Variants in FBXO16 observed in about 807,000 individuals in gnomAD.
FBXO16 encodes F-box only protein 16.
In FBXO16, 31 loss-of-function variants were observed where a neutral mutation model predicts 41.0. The observed-to-expected ratio is 0.76, with a 90% confidence interval of 0.57 to 1.02. The LOEUF (loss-of-function observed/expected upper bound fraction) is 1.02, where lower values mean the gene tolerates loss of function less well. Ranked by LOEUF, FBXO16 falls within the 50% of genes least tolerant of loss-of-function variation. The probability of loss-of-function intolerance (pLI) is 0.00; values close to 1 mark genes in which losing one functional copy is unlikely to be tolerated. For synonymous variants in FBXO16, 133 were observed against 117.8 expected, an observed-to-expected ratio of 1.13 and a Z score of -0.84; for missense variants, 361 against 346.2, an observed-to-expected ratio of 1.04 and a Z score of -0.34.
At chr8:28,489,303 C>T (rs1803650199) in intron 1 of FBXO16, among the ~76,000 whole-genome samples, 1 of 152,028 alleles carries the variant, frequency 6.6e-6, no homozygotes, top group Non-Finnish European at 1.5e-5. Context: ...GATCATGCCA[C>T]TGCACTCCAG....
chr8:28,462,294 T>C (rs1350505382), intron 4 of FBXO16, among the ~76,000 whole-genome samples: 19 of 134,182 alleles, frequency 1.4e-4, no homozygotes, highest in Admixed American at 7.8e-4. Flanking sequence ...TTTTTTTTTT[T>C]CTGAGACGGC....
chr8:28,442,180 T>C (rs1802791783), intron 7 of FBXO16, among the ~76,000 whole-genome samples: 1 of 151,948 alleles, frequency 6.6e-6, no homozygotes, highest in African/African-American at 2.4e-5. Context: ...CTTCGTGATC[T>C]GCCCTCCTCG....
At chr8:28,488,214 T>C (rs571483163) in intron 1 of FBXO16, among the ~76,000 whole-genome samples, 31 of 152,176 alleles carry the variant, frequency 2.0e-4, no homozygotes, top group Non-Finnish European at 3.8e-4. Context: ...ACCCTAGTTC[T>C]TGACATATGG....
At chr8:28,451,384 T>G (rs867205917) in intron 6 of FBXO16, among the ~76,000 whole-genome samples, 2,983 of 151,396 alleles carry the variant, frequency 0.02, 100 homozygotes, top group African/African-American at 0.063. Flanking sequence ...GTTGTTGTTT[T>G]TTTTTTTTTT....
chr8:28,470,627 T>G (rs565971650), intron 3 of FBXO16, among the ~76,000 whole-genome samples: 6 of 152,360 alleles, frequency 3.9e-5, no homozygotes, highest in Admixed American at 2.0e-4. Context: ...AGCTCTTCAA[T>G]TTTTGCCATA....
chr8:28,446,528 C>T (rs756502758), intron 7 of FBXO16, among the ~76,000 whole-genome samples: 140 of 151,770 alleles, frequency 9.2e-4, no homozygotes, highest in Non-Finnish European at 1.6e-3. Context: ...TCTGATAGCA[C>T]CTCCCCCTGC....
intron 5 of FBXO16, chr8:28,455,879 A>G (rs1252227310): frequency 6.6e-6 from 1 of 152,248 alleles, no homozygotes; most frequent in Non-Finnish European, 1.5e-5. Flanking sequence ...TCAAGAAAAC[A>G]CAATAAAGCC....
chr8:28,436,150 T>C (rs1202638361), intron 7 of FBXO16, among the ~76,000 whole-genome samples: 2 of 152,154 alleles, frequency 1.3e-5, no homozygotes, highest in Non-Finnish European at 2.9e-5. Flanking sequence ...CCTAAGAGGC[T>C]GATGCTAGTC....
intron 3 of FBXO16, among the ~76,000 whole-genome samples, chr8:28,470,019 C>T (rs1420963327): frequency 2.0e-5 from 3 of 151,478 alleles, no homozygotes; most frequent in Non-Finnish European, 2.9e-5. Flanking sequence ...AGTGAAACCC[C>T]GTCTCTACTA....
intron 4 of FBXO16, among the ~76,000 whole-genome samples, chr8:28,460,598 T>A (rs1172929722): frequency 6.6e-6 from 1 of 151,700 alleles, no homozygotes; most frequent in Non-Finnish European, 1.5e-5. Context: ...CTAATTTTTG[T>A]ATTTATAATA....
intron 6 of FBXO16, among the ~76,000 whole-genome samples, chr8:28,449,980 GAAA>G (rs1278726556): frequency 3.6e-5 from 3 of 82,410 alleles, no homozygotes; most frequent in African/African-American, 1.3e-4. Context: ...AAAAAAAAAA[GAAA>G]AAAAAAAAAA....
intron 2 of FBXO16, among the ~76,000 whole-genome samples, chr8:28,479,295 T>C (rs1323565496): frequency 6.6e-6 from 1 of 152,106 alleles, no homozygotes; most frequent in Non-Finnish European, 1.5e-5. Context: ...GACCCTTTTC[T>C]CTCCTTTTCC....
chr8:28,478,133 A>G, intron 2 of FBXO16, among the ~76,000 whole-genome samples: 1 of 152,246 alleles, frequency 6.6e-6, no homozygotes, highest in East Asian at 1.9e-4. Context: ...ATTTTATGCC[A>G]CACAAGAACC....
intron 6 of FBXO16, among the ~76,000 whole-genome samples, chr8:28,451,716 C>T (rs955978453): frequency 2.4e-4 from 36 of 152,122 alleles, no homozygotes; most frequent in African/African-American, 8.0e-4. Context: ...GGCACAGTTG[C>T]TCATGCCTGT....
chr8:28,471,820 A>C (rs1200934162), intron 3 of FBXO16, among the ~76,000 whole-genome samples: 1 of 150,190 alleles, frequency 6.7e-6, no homozygotes, highest in Non-Finnish European at 1.5e-5. Context: ...AAAAAAAAAA[A>C]AAAAAAAAAA....
At chr8:28,483,246 C>G in intron 2 of FBXO16, 102 bp downstream of exon 2, 1 of 1,094,958 alleles carries the variant, frequency 9.1e-7, no homozygotes, top group Non-Finnish European at 1.3e-6. Context: ...ATCCATTACA[C>G]AATCTTAAAT....
chr8:28,463,230 GTGTGTT>G (rs1025563207), intron 4 of FBXO16, among the ~76,000 whole-genome samples: 6 of 150,814 alleles, frequency 4.0e-5, no homozygotes, highest in African/African-American at 1.5e-4. Context: ...GTGTCCGTGT[GTGTGTT>G]TGTGTACACG....
At chr8:28,485,468 C>T (rs1358078821) in intron 1 of FBXO16, among the ~76,000 whole-genome samples, 4 of 152,142 alleles carry the variant, frequency 2.6e-5, no homozygotes, top group Non-Finnish European at 4.4e-5. Flanking sequence ...CCACTGTGCC[C>T]GACCTTTGAT....
rs755079062 is a variant in FBXO16, at chr8:28,456,775, G to A, written c.498C>T (p.Thr166=). 7 of 1,613,722 alleles carry A rather than the reference G, an allele frequency of 4.3e-6. No individual in the cohort carries two copies. The highest frequency in any genetic ancestry group is 1.7e-5 in the Admixed American group (1 of 59,974). Residue 166 remains threonine, a synonymous_variant, in exon 5 of 9, where the codon ACC becomes ACT. Coordinates refer to ENST00000380254, the MANE Select transcript of FBXO16 (RefSeq NM_172366.4). Reference sequence around the variant, plus strand: ...TCTGTCTAAAATTCACCTTAGGCTTGGTAATATGAAGTTCTTTCACCATTT... The same window carrying A: ...TCTGTCTAAAATTCACCTTAGGCTTAGTAATATGAAGTTCTTTCACCATTT... ...YIQMVKELHI[T]KPKTPPKDGF...
Sources: gnomAD v4.1 joint callset for allele counts (sites outside exome capture counted in the v4.1 genomes callset) on GRCh38, gnomAD v4.1.1 for gene constraint, MANE v1.5 for transcripts, NCBI Gene and HGNC (gene_info 2026-07-23, HGNC 2026-07-21) for gene names.